Variants in NCKAP5 observed in about 807,000 individuals in gnomAD.
NCKAP5 encodes the protein nck-associated protein 5.
A neutral mutation model predicts 167.0 loss-of-function variants in NCKAP5; 92 were observed. The observed-to-expected ratio is 0.55, with a 90% CI of 0.47 to 0.66. NCKAP5 has a LOEUF of 0.66. Among genes scored for constraint, NCKAP5 ranks in the 30% least tolerant of loss-of-function variants. NCKAP5 has a pLI of 0.00. For synonymous variants in NCKAP5, 891 were observed against 877.4 expected (o/e 1.02, Z -0.27); for missense variants, 2,378 against 2,315.0 (o/e 1.03, Z -0.56).
chr2:132,682,664 A>T (rs2566528), intron 19 of NCKAP5, among the ~76,000 whole-genome samples: 69,575 of 151,590 alleles, frequency 0.46, 18,255 homozygotes, highest in East Asian at 0.66. Context: ...ATCCTGTCAA[A>T]TTCAGAGTTA....
chr2:133,093,278 C>T (rs1302934325), intron 6 of NCKAP5, among the ~76,000 whole-genome samples: 3 of 152,140 alleles, frequency 2.0e-5, no homozygotes, highest in Non-Finnish European at 4.4e-5. Flanking sequence ...AAACTGAATG[C>T]TTTTATTCCA....
chr2:132,807,742 C>T (rs1685547340), intron 11 of NCKAP5, among the ~76,000 whole-genome samples: 1 of 151,994 alleles, frequency 6.6e-6, no homozygotes, highest in Admixed American at 6.6e-5. Context: ...ATTTGGATGC[C>T]CTTTATTTCT....
intron 3 of NCKAP5, among the ~76,000 whole-genome samples, chr2:133,362,281 G>A (rs1369524991): frequency 2.0e-5 from 3 of 152,198 alleles, no homozygotes; most frequent in African/African-American, 7.2e-5. Context: ...CAAGACAAGT[G>A]AGGAGATCCC....
chr2:133,382,495 C>T (rs1461392758), intron 3 of NCKAP5, among the ~76,000 whole-genome samples: 1 of 152,116 alleles, frequency 6.6e-6, no homozygotes, highest in Non-Finnish European at 1.5e-5. Flanking sequence ...CGTCTCCTGC[C>T]TCACCCCTTA....
intron 5 of NCKAP5, among the ~76,000 whole-genome samples, chr2:133,142,364 T>C (rs1412906965): frequency 6.6e-6 from 1 of 152,122 alleles, no homozygotes; most frequent in Non-Finnish European, 1.5e-5. Context: ...CAATTACTAC[T>C]ATTAATAATA....
At chr2:132,921,354 C>T (rs925863307) in intron 8 of NCKAP5, among the ~76,000 whole-genome samples, 1 of 152,192 alleles carries the variant, frequency 6.6e-6, no homozygotes, top group Non-Finnish European at 1.5e-5. Context: ...CCCTTTTTAA[C>T]ATTCCTCAAA....
At chr2:133,463,092 T>G (rs1306979181) in intron 3 of NCKAP5, among the ~76,000 whole-genome samples, 1 of 152,244 alleles carries the variant, frequency 6.6e-6, no homozygotes, top group Non-Finnish European at 1.5e-5. Flanking sequence ...TGTTTCTGAC[T>G]TGGTACCATA....
At chr2:132,750,805 G>A (rs954998960) in intron 16 of NCKAP5, among the ~76,000 whole-genome samples, 1 of 152,200 alleles carries the variant, frequency 6.6e-6, no homozygotes, top group African/African-American at 2.4e-5. Context: ...GGCTGAAAAT[G>A]TCTCTGCAAG....
intron 5 of NCKAP5, 30 bp downstream of exon 5, chr2:133,213,686 T>C (rs112571500): frequency 1.2e-6 from 2 of 1,611,358 alleles, no homozygotes; most frequent in East Asian, 2.2e-5. Context: ...CTGGATGTTG[T>C]GGAATGAGGG....
intron 19 of NCKAP5, among the ~76,000 whole-genome samples, chr2:132,698,303 C>T (rs1032455384): frequency 6.6e-6 from 1 of 152,140 alleles, no homozygotes; most frequent in African/African-American, 2.4e-5. Context: ...ATCAAAATAG[C>T]ACCATGGTGA....
At chr2:133,122,884 TTTAAAAAGC>T in intron 6 of NCKAP5, 1 of 152,292 alleles carries the variant, frequency 6.6e-6, no homozygotes, top group African/African-American at 2.4e-5. Flanking sequence ...TGCAGGGCCT[TTTAAAAAGC>T]ATAAAAAGCA....
At chr2:133,195,896 A>C (rs143264962) in intron 5 of NCKAP5, among the ~76,000 whole-genome samples, 1,523 of 152,292 alleles carry the variant, frequency 0.01, 12 homozygotes, top group Middle Eastern at 0.02. Flanking sequence ...CAAGATTATA[A>C]ATTTTAATGC....
intron 3 of NCKAP5, among the ~76,000 whole-genome samples, chr2:133,467,609 G>C (rs531841385): frequency 7.1e-4 from 106 of 150,262 alleles, no homozygotes; most frequent in Admixed American, 6.5e-3. Context: ...TTGTACCTCT[G>C]GTAGAATTCA....
rs567678383 is a variant in NCKAP5 at position 133,064,345 on chromosome 2, G to A, written c.341+65633C>T. Reference sequence around the variant, plus strand: ...TACTGATAGTTTAAGTGCAGTGTTTGTTTCATTATGGTTTGTGTAGGAGAA... The same window carrying A: ...TACTGATAGTTTAAGTGCAGTGTTTATTTCATTATGGTTTGTGTAGGAGAA... On this transcript the variant is annotated intron_variant, in intron 6 of 19. Coordinates refer to ENST00000409261, the MANE Select transcript of NCKAP5 (RefSeq NM_207363.3). 2.6e-4 allele frequency among the ~76,000 whole-genome samples: 40 copies of A among 152,352 alleles called. No homozygotes were observed. The Middle Eastern group carries it at 0.014, about 52-fold the overall frequency.
intron 11 of NCKAP5, among the ~76,000 whole-genome samples, chr2:132,827,809 G>A (rs532439767): frequency 6.6e-6 from 1 of 152,192 alleles, no homozygotes; most frequent in African/African-American, 2.4e-5. Flanking sequence ...TTTGAATAAG[G>A]GCCTCTAAGA....
intron 5 of NCKAP5, among the ~76,000 whole-genome samples, chr2:133,187,868 C>T (rs2085018935): frequency 6.6e-6 from 1 of 151,816 alleles, no homozygotes; most frequent in African/African-American, 2.4e-5. Flanking sequence ...AGCCTATATG[C>T]GTTTGCACGT....
rs1262769103 is a variant in NCKAP5, at chr2:132,698,884, C to T, written c.5714-25579G>A. On this transcript the variant is annotated intron_variant, in intron 19 of 19. Coordinates refer to ENST00000409261, the MANE Select transcript of NCKAP5 (RefSeq NM_207363.3). ...AAAAAAAAGTGCAAATTGTAAGGCC[C>T]TACCCAGATCCAGTGAACCAGAAAC... 2.0e-5 allele frequency among the ~76,000 whole-genome samples: 3 copies of T among 152,142 alleles called. No individual in the cohort carries two copies. In the East Asian group the frequency reaches 5.8e-4, roughly 29 times the overall value.
intron 6 of NCKAP5, among the ~76,000 whole-genome samples, chr2:132,996,614 A>G (rs1034602111): frequency 6.6e-6 from 1 of 152,206 alleles, no homozygotes; most frequent in Non-Finnish European, 1.5e-5. Context: ...CCTTCACTTT[A>G]ATGCTCAAAT....
At chr2:132,732,208 C>T (rs970591935) in intron 16 of NCKAP5, among the ~76,000 whole-genome samples, 157 bp from the exon 17 acceptor site, 12 of 149,140 alleles carry the variant, frequency 8.0e-5, no homozygotes, top group African/African-American at 3.0e-4. Context: ...AACCAAACAC[C>T]GCTTGTTCTC....
Sources: allele counts gnomAD v4.1 joint callset (sites outside exome capture counted in the v4.1 genomes callset), GRCh38; gene constraint gnomAD v4.1.1; transcripts MANE v1.5; gene names NCBI Gene and HGNC (gene_info 2026-07-23, HGNC 2026-07-21).